The following CACUL1 variants were observed in gnomAD, a reference collection of about 807,000 sequenced individuals.
CACUL1 encodes CDK2 associated cullin domain 1, also known as CDK2-associated and cullin domain-containing protein 1.
In CACUL1, 13 loss-of-function variants were observed where a neutral mutation model predicts 45.2. That is an observed-to-expected ratio of 0.29 (90% CI 0.19 to 0.46). The LOEUF is 0.46. CACUL1 is among the 20% of genes least tolerant of loss of function. CACUL1 has a pLI of 1.00. For missense variants in CACUL1, 421 were observed against 471.4 expected (o/e 0.89, Z 0.99); for synonymous variants, 197 against 174.2 (o/e 1.13, Z -1.03).
intron 3 of CACUL1, among the ~76,000 whole-genome samples, chr10:118,710,304 G>A (rs1241697325): frequency 6.6e-6 from 1 of 152,106 alleles, no homozygotes; most frequent in East Asian, 1.9e-4. Context: ...TTGGGGCTCA[G>A]AAATAGTCAC....
At chr10:118,720,311 T>C (rs1401441982) in intron 3 of CACUL1, among the ~76,000 whole-genome samples, 2 of 152,170 alleles carry the variant, frequency 1.3e-5, no homozygotes, top group Non-Finnish European at 2.9e-5. Flanking sequence ...TGGAGAAATA[T>C]CCAAAGAAGC....
At chr10:118,727,544 A>G (rs1350851404) in intron 3 of CACUL1, among the ~76,000 whole-genome samples, 2 of 152,190 alleles carry the variant, frequency 1.3e-5, no homozygotes, top group Admixed American at 6.5e-5. Flanking sequence ...GTGAGGGAAA[A>G]CAGACACTGT....
chr10:118,696,197 T>C (rs1474928725), intron 5 of CACUL1, among the ~76,000 whole-genome samples: 2 of 152,182 alleles, frequency 1.3e-5, no homozygotes, highest in Non-Finnish European at 2.9e-5. Flanking sequence ...CATCAGTAGA[T>C]AGTTACAATT....
chr10:118,735,181 T>C (rs1845729064), intron 1 of CACUL1, among the ~76,000 whole-genome samples: 1 of 152,224 alleles, frequency 6.6e-6, no homozygotes, highest in Non-Finnish European at 1.5e-5. Flanking sequence ...AAAGATATAC[T>C]ACTTATTAGC....
intron 5 of CACUL1, among the ~76,000 whole-genome samples, chr10:118,698,312 T>A (rs2119567509): frequency 6.6e-6 from 1 of 152,026 alleles, no homozygotes; most frequent in Non-Finnish European, 1.5e-5. Flanking sequence ...CCCGGCTAAT[T>A]TTTGTATTTT....
At chr10:118,687,788 T>C (rs1443375780) in intron 7 of CACUL1, among the ~76,000 whole-genome samples, 1 of 152,256 alleles carries the variant, frequency 6.6e-6, no homozygotes, top group Non-Finnish European at 1.5e-5. Context: ...AGCACTTTAC[T>C]ACTTACTGTC....
intron 3 of CACUL1, among the ~76,000 whole-genome samples, chr10:118,725,062 T>C (rs867570047): frequency 2.0e-5 from 3 of 152,218 alleles, no homozygotes; most frequent in Admixed American, 6.5e-5. Flanking sequence ...TTACTCTCTA[T>C]AGTCATCTAT....
At chr10:118,717,855 G>T (rs1845562383) in intron 3 of CACUL1, among the ~76,000 whole-genome samples, 1 of 152,100 alleles carries the variant, frequency 6.6e-6, no homozygotes, top group Admixed American at 6.6e-5. Flanking sequence ...AATCTGAGAG[G>T]CCATCCTCCA....
rs941865678 is a variant in CACUL1 at position 118,680,127 on chromosome 10, A to G, written c.*6001T>C. ...AGCTAGTTGCTCTCAGGTTCTATTAATATGTGTGATATTCATTCTACTATC... is the reference window on the plus strand; with the variant it reads ...AGCTAGTTGCTCTCAGGTTCTATTAGTATGTGTGATATTCATTCTACTATC... On this transcript the variant is annotated 3_prime_UTR_variant, in exon 9 of 9. Coordinates refer to ENST00000369151, the MANE Select transcript of CACUL1 (RefSeq NM_153810.5). 2.3e-4 allele frequency: 35 copies of G among 152,152 alleles called. No individual in the cohort carries two copies. The highest frequency in any genetic ancestry group is 3.9e-4 in the Admixed American group (6 of 15,268). The allele number at this position is 152,152 out of a possible 1,614,324, so 9.4% of individuals were successfully genotyped here.
In CACUL1 at chr10:118,682,442, G is replaced by A. The variant is rs73423915; in HGVS notation, c.*3686C>T. 0.042 allele frequency: 6,362 copies of A among 152,548 alleles called. 185 individuals are homozygous for A. Among genetic ancestry groups the A allele is most frequent in the Middle Eastern group, 0.068 (20 of 294 alleles). 9.4% of individuals were successfully genotyped at this position (152,548 alleles called of 1,614,324 possible). ...TAAAGCCAGCCTCAATAATAAAAAG[G>A]CAAAATCTGGAGGGGTTACTCGGCT... On this transcript the variant is annotated 3_prime_UTR_variant, in exon 9 of 9. Transcript: ENST00000369151.
chr10:118,727,377 G>C (rs1254384084), intron 3 of CACUL1, among the ~76,000 whole-genome samples: 2 of 142,662 alleles, frequency 1.4e-5, no homozygotes, highest in Admixed American at 1.5e-4. Context: ...CTGGGAGACA[G>C]AGCGAGACCC....
chr10:118,723,379 C>T (rs1845619478), intron 3 of CACUL1, among the ~76,000 whole-genome samples: 1 of 152,182 alleles, frequency 6.6e-6, no homozygotes, highest in African/African-American at 2.4e-5. Flanking sequence ...CAAACTTACA[C>T]ATTATTGTCA....
intron 6 of CACUL1, chr10:118,693,018 A>T (rs1293275801): frequency 1.3e-5 from 2 of 152,318 alleles, no homozygotes; most frequent in Non-Finnish European, 2.9e-5. Context: ...CACAGCTGGC[A>T]AAGTCAAACC....
intron 1 of CACUL1, among the ~76,000 whole-genome samples, chr10:118,738,080 C>A (rs1277108855): frequency 6.6e-6 from 1 of 152,226 alleles, no homozygotes. Flanking sequence ...CCAGTAGAGT[C>A]TGAACCTTGA....
chr10:118,716,930 A>G (rs1845552730), intron 3 of CACUL1, among the ~76,000 whole-genome samples: 1 of 152,120 alleles, frequency 6.6e-6, no homozygotes, highest in African/African-American at 2.4e-5. Flanking sequence ...CATAAGCTAC[A>G]CTGCACTCCC....
intron 6 of CACUL1, among the ~76,000 whole-genome samples, chr10:118,692,076 G>A (rs969819433): frequency 1.8e-4 from 27 of 151,894 alleles, no homozygotes; most frequent in Admixed American, 3.3e-4. Context: ...AGCCTTATTA[G>A]CCATTAATTA....
Position 118,683,752 on chromosome 10 carries a change from A to G in CACUL1, c.*2376T>C, listed in dbSNP as rs757556766. ...GTTTCTGGCAAACAGTCAATATAAA[A>G]TGAGAGGAAGGAGGAGGAAATCTTA... On this transcript the variant is annotated 3_prime_UTR_variant, in exon 9 of 9. Transcript: ENST00000369151. The G allele has an allele frequency of 8.5e-5, 13 of 152,096 alleles. No individual in the cohort carries two copies. Among genetic ancestry groups the G allele is most frequent in the Non-Finnish European group, 1.5e-4 (10 of 67,988 alleles). The allele number at this position is 152,096 out of a possible 1,614,324, so 9.4% of individuals were successfully genotyped here.
At chr10:118,750,097 C>A (rs1267868714) in intron 1 of CACUL1, among the ~76,000 whole-genome samples, 1 of 152,150 alleles carries the variant, frequency 6.6e-6, no homozygotes, top group East Asian at 1.9e-4. Context: ...GAGGCCAAGG[C>A]GGGTGGATGA....
chr10:118,713,505 T>C (rs1020700491), intron 3 of CACUL1, among the ~76,000 whole-genome samples: 5 of 152,008 alleles, frequency 3.3e-5, no homozygotes, highest in African/African-American at 1.2e-4. Flanking sequence ...GCCACTGCCA[T>C]CACCATTACT....
Sources: gnomAD v4.1 joint callset for allele counts (sites outside exome capture counted in the v4.1 genomes callset) on GRCh38, gnomAD v4.1.1 for gene constraint, MANE v1.5 for transcripts, NCBI Gene and HGNC (gene_info 2026-07-23, HGNC 2026-07-21) for gene names.